Variants in MFHAS1 observed in about 807,000 individuals in gnomAD.
The protein encoded by MFHAS1 is malignant fibrous histiocytoma-amplified sequence 1.
A neutral mutation model predicts 70.4 loss-of-function variants in MFHAS1; 50 were observed. The observed-to-expected ratio is 0.71, with a 90% CI of 0.57 to 0.90. The LOEUF is 0.90. Among genes scored for constraint, MFHAS1 ranks in the 40% least tolerant of loss-of-function variants. The pLI is 0.00. For synonymous variants in MFHAS1, 952 were observed against 620.0 expected, an observed-to-expected ratio of 1.54 and a Z score of -7.96; for missense variants, 1,795 against 1,347.6, an observed-to-expected ratio of 1.33 and a Z score of -5.20.
intron 1 of MFHAS1, among the ~76,000 whole-genome samples, chr8:8,825,036 G>A (rs1484993060): frequency 6.6e-6 from 1 of 152,244 alleles, no homozygotes; most frequent in Admixed American, 6.5e-5. Flanking sequence ...CTAAGTCAGT[G>A]CAATCTCATG....
intron 1 of MFHAS1, among the ~76,000 whole-genome samples, chr8:8,798,766 G>A (rs539751363): frequency 6.6e-6 from 1 of 152,076 alleles, no homozygotes; most frequent in Non-Finnish European, 1.5e-5. Flanking sequence ...TAGAGACTCC[G>A]GGCTGGGCGC....
At chr8:8,838,933 G>C (rs1417338841) in intron 1 of MFHAS1, among the ~76,000 whole-genome samples, 1 of 152,114 alleles carries the variant, frequency 6.6e-6, no homozygotes, top group East Asian at 1.9e-4. Context: ...ACTAAGCAAA[G>C]GCATGTACCA....
intron 1 of MFHAS1, among the ~76,000 whole-genome samples, chr8:8,880,368 G>A (rs756034162): frequency 6.6e-6 from 1 of 152,180 alleles, no homozygotes; most frequent in Non-Finnish European, 1.5e-5. Context: ...AAATGACAGG[G>A]AATAGTTTAC....
chr8:8,807,209 C>A (rs1202637312), intron 1 of MFHAS1, among the ~76,000 whole-genome samples: 3 of 152,038 alleles, frequency 2.0e-5, no homozygotes, highest in East Asian at 1.9e-4. Flanking sequence ...TGACCAAGAG[C>A]GCTCACCAAA....
intron 1 of MFHAS1, among the ~76,000 whole-genome samples, chr8:8,832,425 T>TCACACA (rs35913215): frequency 0.11 from 15,722 of 143,506 alleles, 948 homozygotes; most frequent in African/African-American, 0.14. Flanking sequence ...ACAAGATACT[T>TCACACA]CACACACACA....
chr8:8,819,105 C>T (rs1806850860), intron 1 of MFHAS1, among the ~76,000 whole-genome samples: 1 of 122,308 alleles, frequency 8.2e-6, no homozygotes, highest in African/African-American at 2.6e-5. Context: ...TATCACGTGG[C>T]CAGTAAAAAA....
chr8:8,826,593 C>T (rs1387584676), intron 1 of MFHAS1, among the ~76,000 whole-genome samples: 5 of 152,052 alleles, frequency 3.3e-5, no homozygotes, highest in Admixed American at 6.6e-5. Context: ...ATTAGCCGAG[C>T]GTGGTGGCGG....
At chr8:8,837,516 C>T (rs114237386) in intron 1 of MFHAS1, among the ~76,000 whole-genome samples, 2,685 of 152,134 alleles carry the variant, frequency 0.018, 74 homozygotes, top group African/African-American at 0.061. Context: ...GTGGCGCACA[C>T]CTATACTCCC....
At chr8:8,871,013 G>A (rs1011405633) in intron 1 of MFHAS1, among the ~76,000 whole-genome samples, 3 of 152,036 alleles carry the variant, frequency 2.0e-5, no homozygotes, top group East Asian at 1.9e-4. Flanking sequence ...CTCTGCCTCC[G>A]GGGGTTATTC....
intron 1 of MFHAS1, among the ~76,000 whole-genome samples, chr8:8,800,142 T>A (rs1184225613): frequency 6.6e-6 from 1 of 152,230 alleles, no homozygotes; most frequent in African/African-American, 2.4e-5. Context: ...CTAAGCGGCA[T>A]ACTTTTATGA....
chr8:8,883,031 T>TAGTCCCAG (rs1809590020), intron 1 of MFHAS1, among the ~76,000 whole-genome samples: 1 of 152,040 alleles, frequency 6.6e-6, no homozygotes, highest in African/African-American at 2.4e-5. Context: ...TGCACCCCTG[T>TAGTCCCAG]AGTCCCAGCT....
intron 1 of MFHAS1, among the ~76,000 whole-genome samples, chr8:8,885,046 G>C (rs563857038): frequency 2.3e-4 from 35 of 152,204 alleles, no homozygotes; most frequent in Admixed American, 9.2e-4. Flanking sequence ...TAAGTCTCGG[G>C]TGTGTCTCTG....
intron 1 of MFHAS1, among the ~76,000 whole-genome samples, chr8:8,836,585 C>T (rs994857634): frequency 1.3e-5 from 2 of 152,040 alleles, no homozygotes; most frequent in African/African-American, 4.8e-5. Context: ...CCTATGTTGC[C>T]CAGGTTAGTC....
At chr8:8,882,110 G>A (rs1024847642) in intron 1 of MFHAS1, among the ~76,000 whole-genome samples, 1 of 152,284 alleles carries the variant, frequency 6.6e-6, no homozygotes, top group Middle Eastern at 3.4e-3. Flanking sequence ...GCCGAGCATG[G>A]TGGCTCACAC....
chr8:8,841,835 C>G (rs1807838865), intron 1 of MFHAS1, among the ~76,000 whole-genome samples: 1 of 152,156 alleles, frequency 6.6e-6, no homozygotes, highest in South Asian at 2.1e-4. Context: ...AATAAGCCAC[C>G]CTTATGTTGC....
At chr8:8,787,230 G>A (rs576120839) in intron 2 of MFHAS1, among the ~76,000 whole-genome samples, 17 of 152,040 alleles carry the variant, frequency 1.1e-4, no homozygotes, top group African/African-American at 2.9e-4. Context: ...ACATGTGCCC[G>A]CCACCACACG....
intron 2 of MFHAS1, among the ~76,000 whole-genome samples, chr8:8,794,126 T>TGGAGG (rs1563176481): frequency 7.3e-5 from 11 of 151,200 alleles, no homozygotes; most frequent in African/African-American, 2.7e-4. Flanking sequence ...GGAGGTGGAG[T>TGGAGG]TTGCAATGAG....
At chr8:8,849,139 G>A (rs540555231) in intron 1 of MFHAS1, among the ~76,000 whole-genome samples, 87 of 128,456 alleles carry the variant, frequency 6.8e-4, no homozygotes, top group Middle Eastern at 6.0e-3. Flanking sequence ...GAAGAGCAAT[G>A]GCACGATCTC....
At chr8:8,824,521 TCACACACACACACA>T (rs57194505) in intron 1 of MFHAS1, among the ~76,000 whole-genome samples, 2,034 of 145,996 alleles carry the variant, frequency 0.014, 36 homozygotes, top group East Asian at 0.078. Context: ...TCTCTCTCTT[TCACACACACACACA>T]CACACACACA....
Sources: allele counts gnomAD v4.1 joint callset (sites outside exome capture counted in the v4.1 genomes callset), GRCh38; gene constraint gnomAD v4.1.1; transcripts MANE v1.5; gene names NCBI Gene and HGNC (gene_info 2026-07-23, HGNC 2026-07-21).